UNC79: variants seen among roughly 807,000 people sequenced by gnomAD.
The protein encoded by UNC79 is protein unc-79 homolog.
In UNC79, 37 loss-of-function variants were observed where a neutral mutation model predicts 283.1. The ratio of observed to expected loss-of-function variants is 0.13; its 90% CI spans 0.10 to 0.17. The LOEUF is 0.17. Ranked by LOEUF, UNC79 falls within the 10% of genes least tolerant of loss-of-function variation. The probability of loss-of-function intolerance (pLI) is 1.00; values close to 1 mark genes in which losing one functional copy is unlikely to be tolerated. For synonymous variants in UNC79, 1,107 were observed against 1,200.2 expected, an observed-to-expected ratio of 0.92 and a Z score of 1.61; for missense variants, 2,272 against 3,211.1, an observed-to-expected ratio of 0.71 and a Z score of 7.07.
At chr14:93,566,809 G>A (rs1375007225) in intron 14 of UNC79, among the ~76,000 whole-genome samples, 1 of 151,728 alleles carries the variant, frequency 6.6e-6, no homozygotes, top group Non-Finnish European at 1.5e-5. Context: ...AGTAGAGATG[G>A]TATTTCACCA....
chr14:93,680,772 C>T (rs1020956815), intron 41 of UNC79, among the ~76,000 whole-genome samples: 1 of 151,928 alleles, frequency 6.6e-6, no homozygotes, highest in Non-Finnish European at 1.5e-5. Flanking sequence ...TCCACCTCAG[C>T]CTCCCAAAGT....
intron 40 of UNC79, among the ~76,000 whole-genome samples, chr14:93,671,764 C>A (rs906270125): frequency 2.6e-5 from 4 of 151,960 alleles, no homozygotes; most frequent in Non-Finnish European, 4.4e-5. Context: ...AAGAGTGAAA[C>A]CCTGTCTAAA....
intron 8 of UNC79, among the ~76,000 whole-genome samples, chr14:93,527,747 CAG>C (rs2060612137): frequency 6.6e-6 from 1 of 152,124 alleles, no homozygotes; most frequent in Admixed American, 6.5e-5. Context: ...AGGGTAGAAA[CAG>C]AATTCAAAAT....
At chr14:93,563,675 C>A (rs1229787118) in intron 14 of UNC79, among the ~76,000 whole-genome samples, 3 of 151,998 alleles carry the variant, frequency 2.0e-5, no homozygotes, top group Non-Finnish European at 4.4e-5. Context: ...ATCAATAAAC[C>A]AAATGTGATC....
intron 1 of UNC79, among the ~76,000 whole-genome samples, chr14:93,410,678 C>T (rs892432457): frequency 6.6e-5 from 10 of 151,950 alleles, no homozygotes; most frequent in Non-Finnish European, 1.5e-4. Flanking sequence ...TTCTAGGCTC[C>T]TGGATTATAT....
At chr14:93,420,800 A>G (rs1179082263) in intron 1 of UNC79, among the ~76,000 whole-genome samples, 3 of 151,818 alleles carry the variant, frequency 2.0e-5, no homozygotes, top group Admixed American at 1.3e-4. Context: ...CAATAACAAG[A>G]GGAACTTTGG....
chr14:93,357,707 A>G (rs1478279520), intron 1 of UNC79, among the ~76,000 whole-genome samples: 23 of 122,434 alleles, frequency 1.9e-4, no homozygotes, highest in African/African-American at 7.1e-4. Context: ...ATATATATAT[A>G]TATATATATA....
At chr14:93,554,834 A>C (rs2062079078) in intron 14 of UNC79, among the ~76,000 whole-genome samples, 1 of 152,234 alleles carries the variant, frequency 6.6e-6, no homozygotes, top group Non-Finnish European at 1.5e-5. Context: ...TGTCTTTTAA[A>C]AACTACATTC....
chr14:93,394,351 CTTTT>C (rs1458156999), intron 1 of UNC79, among the ~76,000 whole-genome samples: 6 of 124,724 alleles, frequency 4.8e-5, no homozygotes, highest in African/African-American at 1.8e-4. Flanking sequence ...ATGCAATTGT[CTTTT>C]ATTTTATTTT....
In UNC79 at chr14:93,653,864, C is replaced by T; in HGVS notation, c.6196+10C>T. 1 of 1,614,086 alleles carries T rather than the reference C, an allele frequency of 6.2e-7. No homozygotes were observed. Among genetic ancestry groups the T allele is most frequent in the African/African-American group, 1.3e-5 (1 of 75,056 alleles). ...CAAAGCACGATCAAAGGTAATTCAT[C>T]CACTGAGGATCCAGGCACCACAAAT... On this transcript the variant is annotated intron_variant, in intron 36 of 48. Coordinates refer to ENST00000555664, the Ensembl canonical transcript of UNC79.
chr14:93,513,411 G>T (rs1337781604), intron 7 of UNC79, among the ~76,000 whole-genome samples: 1 of 151,922 alleles, frequency 6.6e-6, no homozygotes, highest in Admixed American at 6.6e-5. Flanking sequence ...GTAGAGATGG[G>T]CCTCCCTATG....
downstream of UNC79, chr14:93,707,023 T>C: frequency 7.9e-7 from 1 of 1,259,588 alleles, no homozygotes. Flanking sequence ...CTTTCTAGTT[T>C]AGTAAAAGAT....
In UNC79 at chr14:93,665,683, C is replaced by T. The variant is rs138105664; in HGVS notation, c.6636+2969C>T. On this transcript the variant is annotated intron_variant, in intron 40 of 48. Transcript: ENST00000555664. ...CACTCTGAAGACAGACAATACACTTCTCAACAGCACAATAGAAGCCAGAAG... is the reference window on the plus strand; with the variant it reads ...CACTCTGAAGACAGACAATACACTTTTCAACAGCACAATAGAAGCCAGAAG... Among the ~76,000 whole-genome samples, 28 of 151,802 alleles carry T rather than the reference C, an allele frequency of 1.8e-4. No homozygotes were observed. The East Asian group carries it at 4.6e-3, about 25-fold the overall frequency.
chr14:93,344,647 G>A (rs1321376444), intron 1 of UNC79, among the ~76,000 whole-genome samples: 1 of 152,228 alleles, frequency 6.6e-6, no homozygotes, highest in Non-Finnish European at 1.5e-5. Context: ...TTTGAGTCAA[G>A]TAGTGTAACA....
At chr14:93,534,119 G>A (rs1239233642) in intron 11 of UNC79, among the ~76,000 whole-genome samples, 1 of 152,226 alleles carries the variant, frequency 6.6e-6, no homozygotes, top group Admixed American at 6.5e-5. Context: ...GCAGATAGCA[G>A]TCATTGGTCT....
At chr14:93,448,342 TC>T (rs1164682989) in intron 1 of UNC79, among the ~76,000 whole-genome samples, 3 of 152,184 alleles carry the variant, frequency 2.0e-5, no homozygotes, top group African/African-American at 7.2e-5. Flanking sequence ...TTCTAGAATT[TC>T]CATCTTGTTC....
intron 1 of UNC79, among the ~76,000 whole-genome samples, chr14:93,365,074 A>G (rs1284249827): frequency 6.6e-6 from 1 of 152,042 alleles, no homozygotes; most frequent in Non-Finnish European, 1.5e-5. Flanking sequence ...CTCTACAAAA[A>G]AAAACCTTTT....
At chr14:93,636,853 G>T (rs1175897191) in intron 31 of UNC79, among the ~76,000 whole-genome samples, 1 of 151,988 alleles carries the variant, frequency 6.6e-6, no homozygotes, top group Non-Finnish European at 1.5e-5. Flanking sequence ...GATCACTTAT[G>T]TACTTACTGA....
At chr14:93,430,146 C>A (rs1192553956), upstream of UNC79, among the ~76,000 whole-genome samples, 1 of 152,200 alleles carries the variant, frequency 6.6e-6, no homozygotes, top group South Asian at 2.1e-4. The surrounding 1 kb of genome is among the most constrained non-coding windows in gnomAD (Gnocchi z 4.6). Flanking sequence ...TGCAAGGGAG[C>A]ACACCTGGGG....
Sources: allele counts gnomAD v4.1 joint callset (sites outside exome capture counted in the v4.1 genomes callset), GRCh38; gene constraint gnomAD v4.1.1; non-coding constraint Gnocchi (gnomAD v3.1); transcripts MANE v1.5; gene names NCBI Gene and HGNC (gene_info 2026-07-23, HGNC 2026-07-21).